Variants in PKIG observed in about 807,000 individuals in gnomAD.
The protein encoded by PKIG is cAMP-dependent protein kinase inhibitor gamma.
PKIG carries 1 observed loss-of-function variant against 6.8 expected under a neutral mutation model. The ratio of observed to expected loss-of-function variants is 0.15; its 90% CI spans 0.05 to 0.69. The LOEUF is 0.69. Ranked by LOEUF, PKIG falls within the 30% of genes least tolerant of loss-of-function variation. PKIG has a pLI of 0.82. For synonymous variants in PKIG, 39 were observed against 43.0 expected, an observed-to-expected ratio of 0.91 and a Z score of 0.36; for missense variants, 77 against 104.0, an observed-to-expected ratio of 0.74 and a Z score of 1.13.
upstream of PKIG, among the ~76,000 whole-genome samples, chr20:44,579,179 G>A (rs2064926016): frequency 6.6e-6 from 1 of 152,134 alleles, no homozygotes; most frequent in African/African-American, 2.4e-5. Context: ...GATTCTGGCA[G>A]AGAAAAAAGA....
intron 1 of PKIG, among the ~76,000 whole-genome samples, chr20:44,574,934 ATAAT>A (rs1413814399): frequency 2.0e-5 from 3 of 152,244 alleles, no homozygotes; most frequent in African/African-American, 4.8e-5. Context: ...CACACATAAA[ATAAT>A]TAATAATCCT....
chr20:44,536,719 C>T (rs896265836), intron 1 of PKIG, among the ~76,000 whole-genome samples: 4 of 152,338 alleles, frequency 2.6e-5, no homozygotes, highest in South Asian at 4.1e-4. Context: ...CTGATTTGCA[C>T]ATAGAGAGAT....
At chr20:44,574,290 G>T (rs1026733212) in intron 1 of PKIG, among the ~76,000 whole-genome samples, 1 of 151,836 alleles carries the variant, frequency 6.6e-6, no homozygotes, top group Non-Finnish European at 1.5e-5. Context: ...ATCCTTTTAG[G>T]CGTTTGATCT....
At chr20:44,603,781 C>G (rs934327422) in intron 2 of PKIG, among the ~76,000 whole-genome samples, 5 of 152,132 alleles carry the variant, frequency 3.3e-5, no homozygotes, top group Admixed American at 2.0e-4. Context: ...TGTCTCCCTG[C>G]TGGAGATAGG....
chr20:44,602,561 G>A (rs192107715), intron 2 of PKIG, among the ~76,000 whole-genome samples: 91 of 152,066 alleles, frequency 6.0e-4, no homozygotes, highest in Non-Finnish European at 1.1e-3. Context: ...GGCCAGGTGC[G>A]GTGGCTCATG....
intron 1 of PKIG, among the ~76,000 whole-genome samples, chr20:44,553,086 A>G (rs1397712739): frequency 2.0e-5 from 3 of 152,188 alleles, no homozygotes; most frequent in African/African-American, 7.2e-5. Context: ...TTTTCTTAAC[A>G]CTGACTCACA....
intron 2 of PKIG, among the ~76,000 whole-genome samples, chr20:44,592,351 A>G (rs1261772961): frequency 6.6e-6 from 1 of 152,140 alleles, no homozygotes; most frequent in Non-Finnish European, 1.5e-5. Flanking sequence ...CAGAGGAATC[A>G]AGGGACAGCT....
chr20:44,546,256 GAGA>G (rs925187198), intron 1 of PKIG, among the ~76,000 whole-genome samples: 2 of 152,072 alleles, frequency 1.3e-5, no homozygotes, highest in African/African-American at 4.8e-5. Context: ...TCTCAGAGAA[GAGA>G]AGGAGAGGAG....
chr20:44,566,671 T>C (rs757892005), intron 1 of PKIG, among the ~76,000 whole-genome samples: 1 of 151,918 alleles, frequency 6.6e-6, no homozygotes, highest in Non-Finnish European at 1.5e-5. Context: ...CATGGCGAAA[T>C]CCCGTCTCTA....
At chr20:44,579,306 G>A (rs900363423), upstream of PKIG, among the ~76,000 whole-genome samples, 9 of 152,188 alleles carry the variant, frequency 5.9e-5, no homozygotes, top group Non-Finnish European at 1.2e-4. Flanking sequence ...GGGGGTAAAA[G>A]GTGGAATTAA....
At chr20:44,617,313 G>A (rs943126433) in intron 3 of PKIG, among the ~76,000 whole-genome samples, 8 of 152,126 alleles carry the variant, frequency 5.3e-5, no homozygotes, top group African/African-American at 1.9e-4. Flanking sequence ...TGTCACTGGG[G>A]TTTAAGAATG....
At chr20:44,539,076 G>A (rs980471564) in intron 1 of PKIG, among the ~76,000 whole-genome samples, 20 of 151,938 alleles carry the variant, frequency 1.3e-4, no homozygotes, top group African/African-American at 3.6e-4. Context: ...TTACAGGCAC[G>A]TACCACCATA....
At chr20:44,599,258 C>A (rs1223592570) in intron 2 of PKIG, among the ~76,000 whole-genome samples, 2 of 152,184 alleles carry the variant, frequency 1.3e-5, no homozygotes, top group Admixed American at 6.5e-5. Context: ...TAATTCACTC[C>A]CCTGCTTTAT....
Position 44,610,500 on chromosome 20 carries a change from T to TCACACACACACACACACACACACA in PKIG, c.-23-4028_-23-4005dup, listed in dbSNP as rs559846553. 7.4e-3 allele frequency among the ~76,000 whole-genome samples: 1,003 copies of TCACACACACACACACACACACACA among 135,386 alleles called. 9 individuals are homozygous for TCACACACACACACACACACACACA. The highest frequency in any genetic ancestry group is 0.015 in the Admixed American group (208 of 13,524). The allele number at this position is 135,386 out of a possible 152,430, so 88.8% of individuals were successfully genotyped here. Reference sequence around the variant, plus strand: ...TCTCTCTCTCTTCTCTCTCTCTCTCTCACACACACACACACACACACACAC... The same window carrying TCACACACACACACACACACACACA: ...TCTCTCTCTCTTCTCTCTCTCTCTCTCACACACACACACACACACACACACACACACACACACACACACACACAC... On this transcript the variant is annotated intron_variant, in intron 2 of 3. Coordinates refer to ENST00000372886, the MANE Select transcript of PKIG (RefSeq NM_001281445.2).
chr20:44,548,854 CCACACACA>C (rs11469110), intron 1 of PKIG, among the ~76,000 whole-genome samples: 5,747 of 135,510 alleles, frequency 0.042, 119 homozygotes, highest in Middle Eastern at 0.06. Flanking sequence ...ACTCCTCCCA[CCACACACA>C]CACACACACA....
intron 2 of PKIG, among the ~76,000 whole-genome samples, chr20:44,591,186 G>A (rs994130374): frequency 2.0e-5 from 3 of 152,128 alleles, no homozygotes; most frequent in Non-Finnish European, 4.4e-5. Flanking sequence ...GGCGGGGACA[G>A]GCTGGGGGCT....
At chr20:44,594,326 G>T (rs765284204) in intron 2 of PKIG, among the ~76,000 whole-genome samples, 2 of 152,068 alleles carry the variant, frequency 1.3e-5, no homozygotes, top group African/African-American at 4.8e-5. Context: ...CATTGTCCCC[G>T]TTTCACAGAT....
At chr20:44,567,583 C>G (rs2064820919) in intron 1 of PKIG, among the ~76,000 whole-genome samples, 1 of 152,202 alleles carries the variant, frequency 6.6e-6, no homozygotes, top group Non-Finnish European at 1.5e-5. Context: ...GCTGAGGTCC[C>G]TGAACAGAGC....
chr20:44,607,377 A>ATTTT (rs59226646), intron 2 of PKIG, among the ~76,000 whole-genome samples: 27 of 94,222 alleles, frequency 2.9e-4, no homozygotes, highest in African/African-American at 7.0e-4. Context: ...ATATATATAT[A>ATTTT]TTTTTTTTTT....
Sources: allele counts gnomAD v4.1 joint callset (sites outside exome capture counted in the v4.1 genomes callset), GRCh38; gene constraint gnomAD v4.1.1; transcripts MANE v1.5; gene names NCBI Gene and HGNC (gene_info 2026-07-23, HGNC 2026-07-21).